CNTNAP5: variants seen among roughly 807,000 people sequenced by gnomAD.
The protein encoded by CNTNAP5 is contactin associated protein family member 5.
In CNTNAP5, 72 loss-of-function variants were observed where a neutral mutation model predicts 150.2. The ratio of observed to expected loss-of-function variants is 0.48; its 90% CI spans 0.40 to 0.58. CNTNAP5 has a LOEUF of 0.58. CNTNAP5 is among the 20% of genes least tolerant of loss of function. The pLI, the probability that CNTNAP5 is intolerant of heterozygous loss-of-function variation, is 0.00. For missense variants in CNTNAP5, 1,636 were observed against 1,626.2 expected (o/e 1.01, Z -0.10); for synonymous variants, 672 against 619.8 (o/e 1.08, Z -1.25).
intron 1 of CNTNAP5, among the ~76,000 whole-genome samples, chr2:124,132,136 A>G (rs906674341): frequency 6.6e-6 from 1 of 152,316 alleles, no homozygotes; most frequent in Admixed American, 6.5e-5. Context: ...CTGTACCGAC[A>G]GTGCCATTGG....
chr2:124,054,168 A>C (rs1189508983), intron 1 of CNTNAP5, among the ~76,000 whole-genome samples: 2 of 152,178 alleles, frequency 1.3e-5, no homozygotes, highest in Non-Finnish European at 2.9e-5. Context: ...CAATTCAAGC[A>C]TAAAAGAGAC....
rs142234320 is a variant in CNTNAP5 at position 124,287,066 on chromosome 2, A to G, written c.381+44673A>G. Among the ~76,000 whole-genome samples the G allele has an allele frequency of 2.4e-3, 367 of 152,298 alleles. 3 individuals are homozygous for G. The highest frequency in any genetic ancestry group is 0.012 in the Admixed American group (177 of 15,288). Reference sequence around the variant, plus strand: ...CATCACACATGCAATACTTACCAGAACAGCAGCCACAGTCTGACTCCCACT... The same window carrying G: ...CATCACACATGCAATACTTACCAGAGCAGCAGCCACAGTCTGACTCCCACT... On this transcript the variant is annotated intron_variant, in intron 3 of 23. Transcript: ENST00000682447.
At chr2:124,028,444 A>G (rs1026120125) in intron 1 of CNTNAP5, among the ~76,000 whole-genome samples, 1 of 152,146 alleles carries the variant, frequency 6.6e-6, no homozygotes, top group Non-Finnish European at 1.5e-5. Flanking sequence ...CAAAATTAAA[A>G]TAAAGTCAGG....
At chr2:124,761,886 T>C (rs1324781663) in intron 14 of CNTNAP5, among the ~76,000 whole-genome samples, 1 of 152,124 alleles carries the variant, frequency 6.6e-6, no homozygotes, top group African/African-American at 2.4e-5. Flanking sequence ...CACAAAAACA[T>C]CAAACTTTTG....
chr2:124,436,157 AG>A (rs1353844527), intron 5 of CNTNAP5, among the ~76,000 whole-genome samples: 1 of 152,232 alleles, frequency 6.6e-6, no homozygotes, highest in Non-Finnish European at 1.5e-5. Flanking sequence ...TTGGGGGTAC[AG>A]TTACTATTAC....
intron 7 of CNTNAP5, among the ~76,000 whole-genome samples, chr2:124,501,200 A>C (rs144732634): frequency 3.2e-4 from 48 of 152,338 alleles, no homozygotes; most frequent in Middle Eastern, 3.4e-3. Context: ...TACCAATTAC[A>C]GTAAATTAGA....
At chr2:124,323,400 G>C (rs1159813448) in intron 3 of CNTNAP5, among the ~76,000 whole-genome samples, 1 of 152,216 alleles carries the variant, frequency 6.6e-6, no homozygotes, top group African/African-American at 2.4e-5. Context: ...CTTAGTACAA[G>C]TGAGAGAATC....
chr2:124,217,007 C>G (rs1157948518), intron 1 of CNTNAP5, among the ~76,000 whole-genome samples: 3 of 152,132 alleles, frequency 2.0e-5, no homozygotes, highest in Admixed American at 2.0e-4. Context: ...GTCCCACCAA[C>G]AGTGTAAAAG....
At chr2:124,485,133 G>C (rs900999715) in intron 7 of CNTNAP5, among the ~76,000 whole-genome samples, 1 of 152,080 alleles carries the variant, frequency 6.6e-6, no homozygotes, top group African/African-American at 2.4e-5. Context: ...TTATATAAAA[G>C]TGGCTTTCTA....
At chr2:124,313,005 A>T (rs1197415266) in intron 3 of CNTNAP5, among the ~76,000 whole-genome samples, 1 of 152,218 alleles carries the variant, frequency 6.6e-6, no homozygotes, top group Non-Finnish European at 1.5e-5. Flanking sequence ...ACGCCTGGCC[A>T]GTGATCAGTT....
intron 1 of CNTNAP5, among the ~76,000 whole-genome samples, chr2:124,097,401 G>T (rs1008309375): frequency 3.9e-5 from 6 of 152,102 alleles, no homozygotes; most frequent in East Asian, 1.9e-4. Context: ...ATAGCATCAA[G>T]AAGTTTTTAT....
At chr2:124,195,510 C>G (rs1049835268) in intron 1 of CNTNAP5, among the ~76,000 whole-genome samples, 1 of 152,168 alleles carries the variant, frequency 6.6e-6, no homozygotes, top group Non-Finnish European at 1.5e-5. Context: ...TGGCTGTGAT[C>G]TAACAAGGTG....
chr2:124,385,017 C>T (rs980424119), intron 3 of CNTNAP5, among the ~76,000 whole-genome samples: 1 of 152,188 alleles, frequency 6.6e-6, no homozygotes, highest in African/African-American at 2.4e-5. Flanking sequence ...ACAGCAGCAG[C>T]AGGCACTTAG....
chr2:124,261,859 GA>G (rs778517517), intron 3 of CNTNAP5, among the ~76,000 whole-genome samples: 3 of 151,812 alleles, frequency 2.0e-5, no homozygotes, highest in Non-Finnish European at 1.5e-5. Context: ...TTTTCCAATT[GA>G]AGGGGTCAAG....
chr2:124,037,678 T>C (rs909799678), intron 1 of CNTNAP5, among the ~76,000 whole-genome samples: 1 of 152,074 alleles, frequency 6.6e-6, no homozygotes, highest in African/African-American at 2.4e-5. Flanking sequence ...CCAGGAGCTG[T>C]AGGTGTGGGG....
intron 3 of CNTNAP5, among the ~76,000 whole-genome samples, chr2:124,361,142 C>T (rs923386774): frequency 4.7e-4 from 70 of 148,034 alleles, no homozygotes; most frequent in African/African-American, 1.7e-3. Context: ...GTTCTCGAGC[C>T]TTGGGTTTCA....
At chr2:124,208,375 ATTC>A (rs1247122815) in intron 1 of CNTNAP5, among the ~76,000 whole-genome samples, 1 of 152,218 alleles carries the variant, frequency 6.6e-6, no homozygotes, top group Non-Finnish European at 1.5e-5. Flanking sequence ...TATTTCCAAA[ATTC>A]ATATAAGGAA....
chr2:124,270,490 G>A (rs1458462763), intron 3 of CNTNAP5, among the ~76,000 whole-genome samples: 1 of 152,176 alleles, frequency 6.6e-6, no homozygotes, highest in Non-Finnish European at 1.5e-5. Flanking sequence ...GGGCTGGCAG[G>A]AGGTGAGTGT....
chr2:124,890,138 T>A (rs1573690978), intron 21 of CNTNAP5, among the ~76,000 whole-genome samples: 2 of 152,112 alleles, frequency 1.3e-5, no homozygotes, highest in Non-Finnish European at 2.9e-5. Flanking sequence ...AAGCTTTCTC[T>A]AGTACATGCT....
Sources: gnomAD v4.1 joint callset for allele counts (sites outside exome capture counted in the v4.1 genomes callset) on GRCh38, gnomAD v4.1.1 for gene constraint, MANE v1.5 for transcripts, NCBI Gene and HGNC (gene_info 2026-07-23, HGNC 2026-07-21) for gene names.